Variants in CDH2 observed in about 807,000 individuals in gnomAD.
The protein encoded by CDH2 is cadherin 2, also known as cadherin-2.
CDH2 carries 17 observed loss-of-function variants against 92.0 expected under a neutral mutation model. The observed-to-expected ratio is 0.18, with a 90% CI of 0.13 to 0.28. CDH2 has a LOEUF of 0.28. Ranked by LOEUF, CDH2 falls within the 10% of genes least tolerant of loss-of-function variation. The pLI, the probability that CDH2 is intolerant of heterozygous loss-of-function variation, is 1.00. For synonymous variants in CDH2, 419 were observed against 415.9 expected (o/e 1.01, Z -0.09); for missense variants, 862 against 1,133.1 (o/e 0.76, Z 3.44).
At position 27,985,520 on chromosome 18, in the gene CDH2, G is replaced by A; in HGVS notation, c.1975+8C>T. ...GCACATATATTCAAATAATTAACCT[G>A]TTCTTACCATTAAGCCGAGTGATGG... is the stretch of plus-strand genomic sequence containing the variant. On this transcript the variant is annotated splice_region_variant and intron_variant, in intron 12 of 15. Coordinates refer to ENST00000269141, the MANE Select transcript of CDH2 (RefSeq NM_001792.5). 2 of 1,568,540 alleles carry A rather than the reference G, an allele frequency of 1.3e-6. No individual in the cohort carries two copies.
At chr18:27,968,833 A>G (rs2011589003) in intron 14 of CDH2, among the ~76,000 whole-genome samples, 1 of 152,202 alleles carries the variant, frequency 6.6e-6, no homozygotes, top group South Asian at 2.1e-4. Context: ...CAAAATTCTG[A>G]AGGAAAAAAA....
At position 27,990,769 on chromosome 18, in the gene CDH2, G is replaced by C. The variant is rs2012389841; in HGVS notation, c.1345-419C>G. On this transcript the variant is annotated intron_variant, in intron 9 of 15. Coordinates refer to ENST00000269141, the MANE Select transcript of CDH2 (RefSeq NM_001792.5). ...TCCTCACCCAGGAAAGCTTTCACCA[G>C]TCTATGATGAATTGAAGAAAACAAA... 3.9e-5 allele frequency among the ~76,000 whole-genome samples: 6 copies of C among 152,148 alleles called. No homozygotes were observed. The South Asian group carries it at 1.2e-3, about 32-fold the overall frequency.
At chr18:28,153,083 C>T (rs532716641) in intron 1 of CDH2, among the ~76,000 whole-genome samples, 29 of 152,100 alleles carry the variant, frequency 1.9e-4, no homozygotes, top group African/African-American at 6.0e-4. Context: ...TAAATCTGTC[C>T]GTGGAAGTCA....
chr18:28,011,978 A>C lies in CDH2; in HGVS notation c.414T>G (p.Val138=). The change falls in exon 4 of 16, where the codon GTT becomes GTG. Residue 138 remains valine, a synonymous_variant. Coordinates refer to ENST00000269141, the MANE Select transcript of CDH2 (RefSeq NM_001792.5). Reference sequence around the variant, plus strand: ...ATTGTCTTGGGAACACTATTTCTTCAACTTCTGCTGACTCCTTTACATTAA... The same window carrying C: ...ATTGTCTTGGGAACACTATTTCTTCCACTTCTGCTGACTCCTTTACATTAA... ...TEESVKESAE[V]EEIVFPRQFS... is the part of the protein sequence containing the mutation. 1.2e-6 allele frequency: 2 copies of C among 1,613,726 alleles called. No individual in the cohort carries two copies. The highest frequency in any genetic ancestry group is 2.2e-5 in the South Asian group (2 of 91,024).
intron 6 of CDH2, among the ~76,000 whole-genome samples, chr18:27,934,719 C>T (rs77324046): frequency 1.7e-5 from 1 of 58,098 alleles, no homozygotes; most frequent in African/African-American, 4.1e-5. Context: ...ATTAAATTAA[C>T]TAATCAATTA....
Position 28,005,905 on chromosome 18 carries a change from C to T in CDH2, c.791G>A (p.Arg264Lys). The change falls in exon 6 of 16, where the codon AGA (arginine) becomes AAA (lysine). Residue 264 changes from arginine to lysine, a missense_variant. Transcript: ENST00000269141. ...CCAAACCTGGTGTAAGAACTCAGGTCTGTTGTCATTCATGTCAATAACATT... is the reference window on the plus strand; with the variant it reads ...CCAAACCTGGTGTAAGAACTCAGGTTTGTTGTCATTCATGTCAATAACATT... The part of the protein sequence containing the change: ...VINVIDMNDN[R>K]PEFLHQVWNG... The T allele has an allele frequency of 1.2e-6, 2 of 1,611,628 alleles. No individual in the cohort carries two copies. The highest frequency in any genetic ancestry group is 1.7e-6 in the Non-Finnish European group (2 of 1,177,782).
intron 2 of CDH2, chr18:28,045,363 G>T (rs575345418): frequency 1.3e-5 from 6 of 461,734 alleles, no homozygotes; most frequent in South Asian, 9.6e-5. Context: ...AGCTTATCAG[G>T]TTTAAACTTA....
downstream of CDH2, among the ~76,000 whole-genome samples, chr18:27,946,324 A>G (rs370624251): frequency 8.0e-4 from 121 of 152,198 alleles, no homozygotes; most frequent in Middle Eastern, 0.021. Context: ...GACTACCCTG[A>G]TGAAGAAAAA....
chr18:28,021,154 T>G (rs2013400092), intron 2 of CDH2, among the ~76,000 whole-genome samples: 1 of 152,012 alleles, frequency 6.6e-6, no homozygotes. Flanking sequence ...AATACCTTTA[T>G]GTAATTATCC....
At chr18:27,940,231 T>C (rs543451819) in intron 6 of CDH2, among the ~76,000 whole-genome samples, 22 of 152,218 alleles carry the variant, frequency 1.4e-4, no homozygotes, top group Non-Finnish European at 2.8e-4. Flanking sequence ...TGTTCCTCCA[T>C]ATGGTTACCA....
chr18:28,176,198 C>T (rs567340190), intron 1 of CDH2, among the ~76,000 whole-genome samples: 2 of 152,280 alleles, frequency 1.3e-5, no homozygotes, highest in East Asian at 3.9e-4. Flanking sequence ...AAGGCGCCCC[C>T]GGGGCGCATA....
At chr18:28,160,146 G>A (rs752449366) in intron 1 of CDH2, among the ~76,000 whole-genome samples, 1 of 149,282 alleles carries the variant, frequency 6.7e-6, no homozygotes, top group Non-Finnish European at 1.5e-5. Context: ...AAGAGGTAGC[G>A]CCTCGAGAAA....
At chr18:28,021,767 TACTC>T (rs776213408) in intron 2 of CDH2, among the ~76,000 whole-genome samples, 1 of 151,994 alleles carries the variant, frequency 6.6e-6, no homozygotes, top group South Asian at 2.1e-4. Context: ...AATGTGGAAA[TACTC>T]ACATATGGTT....
intron 2 of CDH2, among the ~76,000 whole-genome samples, chr18:28,072,368 A>G (rs1470277989): frequency 6.6e-6 from 1 of 152,098 alleles, no homozygotes; most frequent in Non-Finnish European, 1.5e-5. Context: ...GAGCGCCTGT[A>G]TTCATGTGGC....
intron 2 of CDH2, among the ~76,000 whole-genome samples, chr18:28,067,542 T>C (rs1397022010): frequency 6.6e-6 from 1 of 152,220 alleles, no homozygotes; most frequent in African/African-American, 2.4e-5. Flanking sequence ...GTTTCATCCA[T>C]GTAGTAGATG....
intron 2 of CDH2, among the ~76,000 whole-genome samples, chr18:28,094,578 A>C (rs2015093243): frequency 6.6e-6 from 1 of 151,896 alleles, no homozygotes; most frequent in African/African-American, 2.4e-5. Context: ...GCGGATCACA[A>C]GGTCAGGAGA....
intron 2 of CDH2, 130 bp downstream of exon 2, chr18:28,147,543 C>T: frequency 1.9e-6 from 1 of 517,428 alleles, no homozygotes; most frequent in Non-Finnish European, 3.4e-6. Flanking sequence ...AAAGTCCCTA[C>T]AGTCTCATCA....
intron 2 of CDH2, among the ~76,000 whole-genome samples, chr18:28,129,496 A>G (rs943747169): frequency 1.3e-5 from 2 of 152,198 alleles, no homozygotes; most frequent in Non-Finnish European, 2.9e-5. Context: ...TATCAGTTAG[A>G]CTCTAGGCCT....
intron 2 of CDH2, among the ~76,000 whole-genome samples, chr18:28,074,741 C>T (rs660656): frequency 0.03 from 4,413 of 147,804 alleles, 188 homozygotes; most frequent in African/African-American, 0.098. Flanking sequence ...TGTTGAACAG[C>T]TTTCTCCATC....
Sources: allele counts gnomAD v4.1 joint callset (sites outside exome capture counted in the v4.1 genomes callset), GRCh38; gene constraint gnomAD v4.1.1; transcripts MANE v1.5; gene names NCBI Gene and HGNC (gene_info 2026-07-23, HGNC 2026-07-21).